Variants in PRICKLE1 observed in about 807,000 individuals in gnomAD.
PRICKLE1 encodes the protein prickle planar cell polarity protein 1.
A neutral mutation model predicts 70.2 loss-of-function variants in PRICKLE1; 14 were observed. The observed-to-expected ratio is 0.20, with a 90% CI of 0.13 to 0.31. PRICKLE1 has a LOEUF of 0.31. Among genes scored for constraint, PRICKLE1 ranks in the 10% least tolerant of loss-of-function variants. The pLI, the probability that PRICKLE1 is intolerant of heterozygous loss-of-function variation, is 1.00. For missense variants in PRICKLE1, 821 were observed against 1,026.2 expected (o/e 0.80, Z 2.73); for synonymous variants, 357 against 379.9 (o/e 0.94, Z 0.70).
At chr12:42,500,802 T>C (rs1410785951) in intron 1 of PRICKLE1, among the ~76,000 whole-genome samples, 1 of 152,142 alleles carries the variant, frequency 6.6e-6, no homozygotes, top group African/African-American at 2.4e-5. Context: ...TGAGCTCAAA[T>C]AATAGGAGAC....
intron 1 of PRICKLE1, among the ~76,000 whole-genome samples, chr12:42,538,241 T>C (rs1255450765): frequency 1.3e-5 from 2 of 152,138 alleles, no homozygotes; most frequent in Non-Finnish European, 2.9e-5. Flanking sequence ...GATTTAGAAA[T>C]AAGAATCCAG....
At chr12:42,466,008 G>T (rs1402855656) in intron 6 of PRICKLE1, 186 bp downstream of exon 6, 1 of 675,228 alleles carries the variant, frequency 1.5e-6, no homozygotes, top group Non-Finnish European at 2.6e-6. Flanking sequence ...ACTACTGCAA[G>T]TAACAAGAAT....
At chr12:42,503,018 G>A (rs1939342542) in intron 1 of PRICKLE1, among the ~76,000 whole-genome samples, 1 of 152,166 alleles carries the variant, frequency 6.6e-6, no homozygotes, top group Non-Finnish European at 1.5e-5. Context: ...ATATGATTAC[G>A]ATAAACTCTG....
intron 1 of PRICKLE1, chr12:42,484,509 G>T (rs1463927439): frequency 1.3e-5 from 2 of 152,198 alleles, no homozygotes; most frequent in Non-Finnish European, 1.5e-5. Flanking sequence ...ATTAGCATAT[G>T]AATTCTCTTA....
chr12:42,509,906 C>G (rs867491550), intron 1 of PRICKLE1, among the ~76,000 whole-genome samples: 1 of 151,652 alleles, frequency 6.6e-6, no homozygotes, highest in Admixed American at 6.6e-5. Context: ...AACCCTGTCT[C>G]TACTAAGAAT....
chr12:42,557,480 C>T (rs766810166), intron 1 of PRICKLE1, among the ~76,000 whole-genome samples: 6 of 152,170 alleles, frequency 3.9e-5, no homozygotes, highest in Non-Finnish European at 8.8e-5. Context: ...TAGTTTGCAT[C>T]GTCCCTCCCC....
intron 1 of PRICKLE1, among the ~76,000 whole-genome samples, chr12:42,509,621 C>T (rs1283651999): frequency 1.3e-5 from 2 of 152,070 alleles, no homozygotes; most frequent in Non-Finnish European, 2.9e-5. Flanking sequence ...TTGTTGAGTA[C>T]CTGAATGACT....
chr12:42,465,672 G>C (rs1380981209), intron 6 of PRICKLE1: 2 of 270,388 alleles, frequency 7.4e-6, no homozygotes, highest in Non-Finnish European at 1.4e-5. Context: ...TGGCCCCCAA[G>C]TGTAATGCTG....
intron 1 of PRICKLE1, among the ~76,000 whole-genome samples, chr12:42,475,509 CA>C (rs112024171): frequency 9.2e-5 from 14 of 152,244 alleles, no homozygotes; most frequent in African/African-American, 2.4e-4. Context: ...ACACTGCCTC[CA>C]GGGGGGGAGT....
At chr12:42,496,680 A>G (rs937275266) in intron 1 of PRICKLE1, among the ~76,000 whole-genome samples, 1 of 152,336 alleles carries the variant, frequency 6.6e-6, no homozygotes, top group Admixed American at 6.5e-5. Context: ...ACCACTCGCT[A>G]CTTCACCTTG....
At position 42,456,768 on chromosome 12, in the gene PRICKLE1, A is replaced by G. The variant is rs1301465403; in HGVS notation, c.*3041T>C. 1.3e-5 allele frequency: 2 copies of G among 152,218 alleles called. No homozygotes were observed. Among genetic ancestry groups the G allele is most frequent in the Non-Finnish European group, 2.9e-5 (2 of 68,042 alleles). The allele number at this position is 152,218 out of a possible 1,614,324, so 9.4% of individuals were successfully genotyped here. On this transcript the variant is annotated 3_prime_UTR_variant, in exon 8 of 8. Coordinates refer to ENST00000345127, the MANE Select transcript of PRICKLE1 (RefSeq NM_153026.3). The stretch of plus-strand genomic sequence containing the variant: ...GAGAATAGACTAAGTCGGCAACTAT[A>G]GGCTTTATTTTCTTGCCAATTCTTT...
intron 1 of PRICKLE1, among the ~76,000 whole-genome samples, chr12:42,477,222 A>G (rs2140139015): frequency 6.6e-6 from 1 of 151,690 alleles, no homozygotes; most frequent in Admixed American, 6.6e-5. Flanking sequence ...AAAATACAAA[A>G]TTATCCAGGT....
At chr12:42,520,658 C>T (rs1939693873) in intron 1 of PRICKLE1, among the ~76,000 whole-genome samples, 1 of 152,190 alleles carries the variant, frequency 6.6e-6, no homozygotes, top group Non-Finnish European at 1.5e-5. Context: ...AATACACTTA[C>T]ACTTCAAACA....
intron 1 of PRICKLE1, among the ~76,000 whole-genome samples, chr12:42,494,222 G>T (rs1395858352): frequency 2.0e-5 from 3 of 152,214 alleles, no homozygotes; most frequent in Non-Finnish European, 2.9e-5. Context: ...GTTGGTAAAG[G>T]TTGGGATGAT....
chr12:42,465,224 C>T lies in PRICKLE1; in HGVS notation c.810G>A (p.Gln270=), dbSNP rs1938046481. The change falls in exon 7 of 8, where the codon CAG becomes CAA. Residue 270 remains glutamine (Q), a synonymous_variant. Coordinates refer to ENST00000345127, the MANE Select transcript of PRICKLE1 (RefSeq NM_153026.3). Reference sequence around the variant, plus strand: ...AGCAGGCTTCCGTGGCGTGCCAGTGCTGCCCGTCATAGGTCATCTGTGCAT... The same window carrying T: ...AGCAGGCTTCCGTGGCGTGCCAGTGTTGCCCGTCATAGGTCATCTGTGCAT... ...VDHAQMTYDG[Q]HWHATEACFS... 6.2e-7 allele frequency: 1 copy of T among 1,613,854 alleles called. No individual in the cohort carries two copies. The highest frequency in any genetic ancestry group is 8.5e-7 in the Non-Finnish European group (1 of 1,180,002).
intron 1 of PRICKLE1, among the ~76,000 whole-genome samples, chr12:42,523,737 C>T (rs1939752623): frequency 6.6e-6 from 1 of 152,184 alleles, no homozygotes; most frequent in Non-Finnish European, 1.5e-5. Context: ...GGATACCTGT[C>T]ACTTATATCT....
intron 1 of PRICKLE1, among the ~76,000 whole-genome samples, chr12:42,497,283 C>T (rs1247484068): frequency 1.3e-5 from 2 of 152,060 alleles, no homozygotes; most frequent in African/African-American, 2.4e-5. Flanking sequence ...TGGTGGCTCA[C>T]GCCTGTAATT....
chr12:42,534,225 T>C (rs888107325), intron 1 of PRICKLE1, among the ~76,000 whole-genome samples: 5 of 152,104 alleles, frequency 3.3e-5, no homozygotes, highest in Admixed American at 2.0e-4. Flanking sequence ...GTCCTCTCCA[T>C]TGACAATGGA....
chr12:42,533,884 CAA>C (rs1315167273), intron 1 of PRICKLE1, among the ~76,000 whole-genome samples: 1 of 152,128 alleles, frequency 6.6e-6, no homozygotes, highest in Non-Finnish European at 1.5e-5. Context: ...CCCCTAACGA[CAA>C]AACTAGCCCA....
Sources: allele counts gnomAD v4.1 joint callset (sites outside exome capture counted in the v4.1 genomes callset), GRCh38; gene constraint gnomAD v4.1.1; transcripts MANE v1.5; gene names NCBI Gene and HGNC (gene_info 2026-07-23, HGNC 2026-07-21).